RGS6: variants seen among roughly 807,000 people sequenced by gnomAD.
RGS6 encodes regulator of G protein signaling 6.
RGS6 carries 30 observed loss-of-function variants against 78.5 expected under a neutral mutation model. That is an observed-to-expected ratio of 0.38 (90% confidence interval 0.29 to 0.52). The LOEUF is 0.52. Ranked by LOEUF, RGS6 falls within the 20% of genes least tolerant of loss-of-function variation. The pLI is 0.85. For synonymous variants in RGS6, 206 were observed against 206.0 expected (o/e 1.00, Z 0.00); for missense variants, 495 against 609.7 (o/e 0.81, Z 1.98).
At chr14:72,235,198 A>G (rs939466186) in intron 2 of RGS6, among the ~76,000 whole-genome samples, 28 of 152,194 alleles carry the variant, frequency 1.8e-4, no homozygotes, top group Non-Finnish European at 7.3e-5. Context: ...CGTGGATTGA[A>G]GAAGGATGAG....
At chr14:72,080,825 C>G (rs1247944588) in intron 2 of RGS6, among the ~76,000 whole-genome samples, 1 of 151,918 alleles carries the variant, frequency 6.6e-6, no homozygotes, top group Non-Finnish European at 1.5e-5. Context: ...ATCTATTGAC[C>G]ATTGACTATG....
At chr14:72,622,498 A>C in the RGS6 span, among the ~76,000 whole-genome samples, 1 of 152,216 alleles carries the variant, frequency 6.6e-6, no homozygotes, top group Non-Finnish European at 1.5e-5. Context: ...CAGTGTTATT[A>C]ATGCCTTAAA....
chr14:72,116,950 C>T (rs532435794), intron 2 of RGS6, among the ~76,000 whole-genome samples: 87 of 110,708 alleles, frequency 7.9e-4, no homozygotes, highest in Admixed American at 1.3e-3. Flanking sequence ...GGTGATAAAG[C>T]GAGACTCCAT....
At chr14:72,610,301 C>T in the RGS6 span, among the ~76,000 whole-genome samples, 2 of 152,292 alleles carry the variant, frequency 1.3e-5, no homozygotes, top group East Asian at 1.9e-4. Context: ...TGAGCTTCCT[C>T]GTGGAGCAGC....
At chr14:72,623,277 TAC>T in the RGS6 span, among the ~76,000 whole-genome samples, 1 of 152,158 alleles carries the variant, frequency 6.6e-6, no homozygotes, top group African/African-American at 2.4e-5. Flanking sequence ...ATAAATATTT[TAC>T]ACAGTCATAA....
chr14:71,897,190 A>G, the RGS6 span, among the ~76,000 whole-genome samples: 1 of 152,256 alleles, frequency 6.6e-6, no homozygotes, highest in Admixed American at 6.5e-5. Flanking sequence ...TTATTGAATC[A>G]ATGAATAAAT....
Position 72,208,535 on chromosome 14 carries a change from C to T in RGS6, c.85-143560C>T, listed in dbSNP as rs1052236506. ...TTAGTATAATGGTCTTTCTATTGAT[C>T]TCTCTGCTGCATGAGACCTTAAGGT... On this transcript the variant is annotated intron_variant, in intron 2 of 17. Transcript: ENST00000553525. Among the ~76,000 whole-genome samples the T allele has an allele frequency of 3.3e-5, 5 of 152,310 alleles. No individual in the cohort carries two copies. The East Asian group carries it at 9.7e-4, about 29-fold the overall frequency.
intron 3 of RGS6, among the ~76,000 whole-genome samples, chr14:72,362,951 A>G (rs976027659): frequency 3.3e-5 from 5 of 152,252 alleles, no homozygotes; most frequent in South Asian, 2.1e-4. Flanking sequence ...TAGAATTTTC[A>G]TAGCCTCAAA....
intron 2 of RGS6, among the ~76,000 whole-genome samples, chr14:72,331,101 T>TA (rs1340113236): frequency 1.3e-5 from 2 of 152,164 alleles, no homozygotes; most frequent in African/African-American, 4.8e-5. Context: ...AGGATTCTGT[T>TA]AGACACAGAG....
At chr14:72,373,420 A>G in intron 3 of RGS6, among the ~76,000 whole-genome samples, 1 of 152,140 alleles carries the variant, frequency 6.6e-6, no homozygotes, top group East Asian at 1.9e-4. Context: ...ACTGGTAAGA[A>G]AGTAAGGGAA....
chr14:72,337,380 C>A (rs2076229193), intron 2 of RGS6, among the ~76,000 whole-genome samples: 1 of 152,060 alleles, frequency 6.6e-6, no homozygotes, highest in Non-Finnish European at 1.5e-5. Context: ...TCGCTCCTCT[C>A]TACCTCCTGG....
intron 2 of RGS6, among the ~76,000 whole-genome samples, chr14:72,113,131 G>C (rs548727319): frequency 2.7e-5 from 4 of 149,650 alleles, no homozygotes; most frequent in Middle Eastern, 6.8e-3. Context: ...TTCATGCTTA[G>C]ACAGTGATAA....
Position 72,562,521 on chromosome 14 carries a change from C to T in RGS6, c.*54C>T, listed in dbSNP as rs1416392599. 6.2e-6 allele frequency: 10 copies of T among 1,604,334 alleles called. No individual in the cohort carries two copies. Among genetic ancestry groups the T allele is most frequent in the South Asian group, 1.1e-5 (1 of 90,748 alleles). On this transcript the variant is annotated 3_prime_UTR_variant, in exon 18 of 18. Coordinates refer to ENST00000553525, the MANE Select transcript of RGS6 (RefSeq NM_001204424.2). ...GCCCGCGGACCCCACAGGCAGGCGG[C>T]GGCGCTCCACATCTGCGGACAGAGT...
At chr14:72,079,766 A>G (rs188616543) in intron 2 of RGS6, among the ~76,000 whole-genome samples, 54 of 152,206 alleles carry the variant, frequency 3.5e-4, no homozygotes, top group Non-Finnish European at 6.6e-4. Context: ...TTTATTCTAC[A>G]TGAGTGAGAT....
chr14:72,000,458 G>A (rs1168385390), intron 2 of RGS6, among the ~76,000 whole-genome samples: 3 of 152,286 alleles, frequency 2.0e-5, no homozygotes, highest in East Asian at 3.9e-4. Context: ...TGGAGTAGGC[G>A]ATTGGAAATG....
intron 3 of RGS6, among the ~76,000 whole-genome samples, chr14:72,400,323 C>G (rs1410590102): frequency 6.6e-6 from 1 of 152,182 alleles, no homozygotes; most frequent in Non-Finnish European, 1.5e-5. Context: ...AATTGTAATA[C>G]TTTTATTAAT....
At chr14:72,272,991 C>CT (rs1322425385) in intron 2 of RGS6, among the ~76,000 whole-genome samples, 1 of 152,162 alleles carries the variant, frequency 6.6e-6, no homozygotes, top group Non-Finnish European at 1.5e-5. Flanking sequence ...TGGCAGGTGC[C>CT]TGTAATCCCA....
intron 3 of RGS6, among the ~76,000 whole-genome samples, chr14:72,367,527 T>G (rs1220994579): frequency 3.3e-5 from 5 of 152,154 alleles, no homozygotes; most frequent in Non-Finnish European, 7.4e-5. Flanking sequence ...TCACAAAGAA[T>G]AGAGGAATGG....
intron 3 of RGS6, among the ~76,000 whole-genome samples, chr14:72,416,406 G>T (rs970630464): frequency 1.3e-5 from 2 of 151,994 alleles, no homozygotes; most frequent in Non-Finnish European, 2.9e-5. Flanking sequence ...CAAATATGTC[G>T]GTACTTTGTA....
Sources: allele counts gnomAD v4.1 joint callset (sites outside exome capture counted in the v4.1 genomes callset), GRCh38; gene constraint gnomAD v4.1.1; transcripts MANE v1.5; gene names NCBI Gene and HGNC (gene_info 2026-07-23, HGNC 2026-07-21).